The following PPM1E variants were observed in gnomAD, a reference collection of about 807,000 sequenced individuals.
The protein encoded by PPM1E is protein phosphatase, Mg2+/Mn2+ dependent 1E.
In PPM1E, 20 loss-of-function variants were observed where a neutral mutation model predicts 65.9. That is an observed-to-expected ratio of 0.30 (90% CI 0.21 to 0.44). The LOEUF is 0.44. Ranked by LOEUF, PPM1E falls within the 20% of genes least tolerant of loss-of-function variation. The pLI is 1.00. For synonymous variants in PPM1E, 352 were observed against 374.9 expected, an observed-to-expected ratio of 0.94 and a Z score of 0.70; for missense variants, 713 against 953.1, an observed-to-expected ratio of 0.75 and a Z score of 3.32.
intron 1 of PPM1E, among the ~76,000 whole-genome samples, chr17:58,766,438 G>A (rs892930526): frequency 6.7e-6 from 1 of 149,430 alleles, no homozygotes; most frequent in South Asian, 2.1e-4. Context: ...CCGACCTCAT[G>A]TTCTGTCCGC....
rs908351123 is a variant in PPM1E at position 58,983,849 on chromosome 17, G to GTAATA, written c.*2820_*2824dup. ...TAGTAAAATAAATCCAAACAAGAGT[G>GTAATA]TAATATTGGTTAGGGAAACAAACTT... On this transcript the variant is annotated 3_prime_UTR_variant, in exon 7 of 7. Transcript: ENST00000308249. 1.3e-5 allele frequency: 2 copies of GTAATA among 152,616 alleles called. No homozygotes were observed. Among genetic ancestry groups the GTAATA allele is most frequent in the African/African-American group, 4.8e-5 (2 of 41,442 alleles). 9.5% of individuals were successfully genotyped at this position (152,616 alleles called of 1,614,324 possible). A position where few individuals can be genotyped will look rare whatever the true frequency, so the allele number is the denominator to read the frequency against.
chr17:58,759,563 C>A (rs571128091), intron 1 of PPM1E, among the ~76,000 whole-genome samples: 1 of 152,260 alleles, frequency 6.6e-6, no homozygotes, highest in Admixed American at 6.5e-5. Flanking sequence ...ATTCTGAAGT[C>A]TTTTTTCTTT....
chr17:58,833,232 G>A (rs1374915695), intron 1 of PPM1E, among the ~76,000 whole-genome samples: 1 of 151,318 alleles, frequency 6.6e-6, no homozygotes, highest in Admixed American at 6.6e-5. Flanking sequence ...CCATGTGCTA[G>A]CCGTTTACAG....
chr17:58,980,761 A>AAACTAGTTCTAG lies in PPM1E; in HGVS notation c.1998_1999insAACTAGTTCTAG (p.Arg666_Leu667insAsnTer). 1 of 1,614,094 alleles carries AAACTAGTTCTAG rather than the reference A, an allele frequency of 6.2e-7. No individual in the cohort carries two copies. The highest frequency in any genetic ancestry group is 1.3e-5 in the African/African-American group (1 of 75,016). On this transcript the variant is annotated stop_gained and inframe_insertion, in exon 7 of 7. Transcript: ENST00000308249. LOFTEE classifies it high-confidence loss of function. The surrounding 1 kb of genome is among the most constrained non-coding windows in gnomAD (Gnocchi z 4.7). ...AATCCCCGGGAAACAGAGTTTCTAG[A>AAACTAGTTCTAG]TTGTCTCATTTACGCCACCACTACT...
At chr17:58,850,972 A>C (rs2050820689) in intron 1 of PPM1E, among the ~76,000 whole-genome samples, 1 of 151,900 alleles carries the variant, frequency 6.6e-6, no homozygotes, top group Admixed American at 6.6e-5. Context: ...GGCTTTGTTC[A>C]TTTCTTTTTA....
Position 58,756,381 on chromosome 17 carries a change from G to C in PPM1E, c.384G>C (p.Pro128=). 1 of 1,372,390 alleles carries C rather than the reference G, an allele frequency of 7.3e-7. No individual in the cohort carries two copies. Among genetic ancestry groups the C allele is most frequent in the Admixed American group, 3.7e-5 (1 of 27,334 alleles). 85.0% of individuals were successfully genotyped at this position (1,372,390 alleles called of 1,614,324 possible). ...PPQLPPLPPL[P]RPLSERITRE... ...AGCTGCCGCCTTTGCCCCCGCTCCC[G>C]CGACCGCTGTCAGAGCGCATCACCC... Residue 128 remains proline, a synonymous_variant, in exon 1 of 7, where the codon CCG becomes CCC. Coordinates refer to ENST00000308249, the MANE Select transcript of PPM1E (RefSeq NM_014906.5).
intron 1 of PPM1E, among the ~76,000 whole-genome samples, chr17:58,949,519 A>G (rs2052207563): frequency 2.0e-5 from 3 of 152,198 alleles, no homozygotes; most frequent in Non-Finnish European, 4.4e-5. Flanking sequence ...ACCATTTTAC[A>G]TTCAAGATTA....
chr17:58,816,096 G>A (rs2050412349), intron 1 of PPM1E, among the ~76,000 whole-genome samples: 1 of 152,080 alleles, frequency 6.6e-6, no homozygotes, highest in Admixed American at 6.6e-5. Context: ...CATGATCTCA[G>A]TTCACTGCAA....
At chr17:58,898,629 T>A (rs2051455348) in intron 1 of PPM1E, among the ~76,000 whole-genome samples, 1 of 152,188 alleles carries the variant, frequency 6.6e-6, no homozygotes, top group Non-Finnish European at 1.5e-5. Context: ...GAACTAGAAA[T>A]ACCATTTGAC....
At chr17:58,759,350 G>A (rs893121019) in intron 1 of PPM1E, among the ~76,000 whole-genome samples, 3 of 152,214 alleles carry the variant, frequency 2.0e-5, no homozygotes, top group African/African-American at 7.2e-5. Flanking sequence ...AATTTCTGAG[G>A]TTAAGGAGAG....
intron 1 of PPM1E, among the ~76,000 whole-genome samples, chr17:58,917,915 T>G (rs932618596): frequency 1.3e-5 from 2 of 152,196 alleles, no homozygotes; most frequent in African/African-American, 2.4e-5. Context: ...CTATTCTTAG[T>G]TGGAATTTTA....
chr17:58,917,693 C>T (rs1028038544), intron 1 of PPM1E, among the ~76,000 whole-genome samples: 1 of 152,166 alleles, frequency 6.6e-6, no homozygotes, highest in Non-Finnish European at 1.5e-5. Flanking sequence ...TTATCTACTG[C>T]CAACTATTTC....
chr17:58,802,936 C>G (rs1430515039), intron 1 of PPM1E, among the ~76,000 whole-genome samples: 1 of 151,888 alleles, frequency 6.6e-6, no homozygotes, highest in Non-Finnish European at 1.5e-5. Context: ...TTTGTGGAGT[C>G]TTTAGGGTTT....
At chr17:58,953,213 TTGAATTGCTA>T (rs1399301806) in intron 1 of PPM1E, among the ~76,000 whole-genome samples, 2 of 152,236 alleles carry the variant, frequency 1.3e-5, no homozygotes, top group Admixed American at 1.3e-4. Context: ...TTAGTCTGCT[TTGAATTGCTA>T]TAAAGGAATA....
chr17:58,758,346 G>A (rs1434641916), intron 1 of PPM1E, among the ~76,000 whole-genome samples: 4 of 152,092 alleles, frequency 2.6e-5, no homozygotes, highest in East Asian at 3.9e-4. Context: ...TGACCAACGT[G>A]GTGAAACTGC....
chr17:58,948,016 G>A (rs142304755), intron 1 of PPM1E, among the ~76,000 whole-genome samples: 2 of 152,244 alleles, frequency 1.3e-5, no homozygotes, highest in African/African-American at 4.8e-5. Context: ...TGATGGCTTG[G>A]CTGAGTATGA....
rs1555626059 is a variant in PPM1E, at chr17:58,983,010, A to AAT, written c.*1980_*1981dup. The stretch of plus-strand genomic sequence containing the variant: ...CGAAGTAAAAAAAAAAGCTTTTTAA[A>AAT]ATTTCTATTGTTGTCTATTGGTAAT... On this transcript the variant is annotated 3_prime_UTR_variant, in exon 7 of 7. Coordinates refer to ENST00000308249, the MANE Select transcript of PPM1E (RefSeq NM_014906.5). 7 of 1,251,026 alleles carry AAT rather than the reference A, an allele frequency of 5.6e-6. No homozygotes were observed. Among genetic ancestry groups the AAT allele is most frequent in the Non-Finnish European group, 7.9e-6 (7 of 890,730 alleles). The allele number at this position is 1,251,026 out of a possible 1,614,324, so 77.5% of individuals were successfully genotyped here.
At position 58,965,845 on chromosome 17, in the gene PPM1E, G is replaced by A; in HGVS notation, c.735G>A (p.Glu245=). 6.2e-7 allele frequency: 1 copy of A among 1,614,140 alleles called. No homozygotes were observed. Among genetic ancestry groups the A allele is most frequent in the South Asian group, 1.1e-5 (1 of 91,084 alleles). ...HAIKNMRRKM[E]DKHVCIPDFN... ...TCAAAAACATGCGCAGGAAAATGGAGGACAAACATGTCTGCATTCCTGACT... is the reference window on the plus strand; with the variant it reads ...TCAAAAACATGCGCAGGAAAATGGAAGACAAACATGTCTGCATTCCTGACT... The change falls in exon 3 of 7, where the codon GAG becomes GAA. Residue 245 remains glutamate (E), a synonymous_variant. Coordinates refer to ENST00000308249, the MANE Select transcript of PPM1E (RefSeq NM_014906.5).
chr17:58,787,566 A>G (rs997469192), intron 1 of PPM1E, among the ~76,000 whole-genome samples: 5 of 152,096 alleles, frequency 3.3e-5, no homozygotes, highest in African/African-American at 1.2e-4. Context: ...CAAAGAGTCT[A>G]GAGAGTATAC....
Sources: allele counts gnomAD v4.1 joint callset (sites outside exome capture counted in the v4.1 genomes callset), GRCh38; gene constraint gnomAD v4.1.1; non-coding constraint Gnocchi (gnomAD v3.1); transcripts MANE v1.5; gene names NCBI Gene and HGNC (gene_info 2026-07-23, HGNC 2026-07-21).